Variants in C2CD2 observed in about 807,000 individuals in gnomAD.
The protein encoded by C2CD2 is C2 domain-containing protein 2.
In C2CD2, 43 loss-of-function variants were observed where a neutral mutation model predicts 74.3. The ratio of observed to expected loss-of-function variants is 0.58; its 90% CI spans 0.45 to 0.75. The LOEUF (loss-of-function observed/expected upper bound fraction) is 0.75. Ranked by LOEUF, C2CD2 falls within the 30% of genes least tolerant of loss-of-function variation. The pLI, the probability that C2CD2 is intolerant of heterozygous loss-of-function variation, is 0.00. For missense variants in C2CD2, 801 were observed against 916.3 expected (o/e 0.87, Z 1.63); for synonymous variants, 422 against 390.7 (o/e 1.08, Z -0.94).
chr21:41,901,977 C>T (rs1013551378), intron 11 of C2CD2, among the ~76,000 whole-genome samples: 7 of 152,124 alleles, frequency 4.6e-5, no homozygotes, highest in Non-Finnish European at 8.8e-5. Context: ...ATGAGCATGG[C>T]TGGGTTTCAG....
At chr21:41,931,962 A>C (rs62214755) in intron 2 of C2CD2, among the ~76,000 whole-genome samples, 12 of 5,134 alleles carry the variant, frequency 2.3e-3, no homozygotes, top group Admixed American at 3.7e-3. Flanking sequence ...GCATCCCACC[A>C]CCCCACCTCC....
chr21:41,951,025 C>T (rs1357448205), intron 1 of C2CD2, among the ~76,000 whole-genome samples: 1 of 152,058 alleles, frequency 6.6e-6, no homozygotes, highest in African/African-American at 2.4e-5. Context: ...AGCCCTAATC[C>T]GGGATTAGTG....
At chr21:41,915,786 A>C (rs888153291) in intron 5 of C2CD2, among the ~76,000 whole-genome samples, 5 of 151,582 alleles carry the variant, frequency 3.3e-5, no homozygotes, top group Admixed American at 6.6e-5. Context: ...GTTTGTTTTA[A>C]GTTCTTTTTC....
At chr21:41,949,471 A>G (rs2065432302) in intron 1 of C2CD2, among the ~76,000 whole-genome samples, 1 of 152,200 alleles carries the variant, frequency 6.6e-6, no homozygotes, top group East Asian at 1.9e-4. Context: ...TGGAGAGGCA[A>G]GAGTCAAAGC....
rs1034882558 is a variant in C2CD2, at chr21:41,932,153, G to T, written c.378+9994C>A. 2.1e-4 allele frequency among the ~76,000 whole-genome samples: 32 copies of T among 149,352 alleles called. 1 individual carries two copies. The highest frequency in any genetic ancestry group is 6.7e-5 in the Admixed American group (1 of 14,872). ...AATGATGTAATCCATCATGCCTAGC[G>T]AATGAATCCTCCATAAAAACCCTGA... is the stretch of plus-strand genomic sequence containing the variant. On this transcript the variant is annotated intron_variant, in intron 2 of 13. Transcript: ENST00000380486.
At chr21:41,911,955 G>A (rs542166981) in intron 7 of C2CD2, among the ~76,000 whole-genome samples, 1 of 152,292 alleles carries the variant, frequency 6.6e-6, no homozygotes, top group Admixed American at 6.5e-5. Flanking sequence ...TCCCGTCTCT[G>A]CCACCCAAAC....
At chr21:41,909,930 G>A (rs2065006842) in intron 7 of C2CD2, among the ~76,000 whole-genome samples, 12 of 150,502 alleles carry the variant, frequency 8.0e-5, no homozygotes, top group Admixed American at 8.0e-4. Flanking sequence ...ATGACCTAAA[G>A]ACAAAATACG....
intron 1 of C2CD2, chr21:41,953,119 C>A: frequency 2.6e-6 from 1 of 386,606 alleles, no homozygotes; most frequent in East Asian, 3.7e-5. Flanking sequence ...CAACTGCCAG[C>A]CTGTCCCTCG....
chr21:41,904,054 C>G (rs1250113940), intron 11 of C2CD2, among the ~76,000 whole-genome samples: 1 of 152,076 alleles, frequency 6.6e-6, no homozygotes, highest in Non-Finnish European at 1.5e-5. Context: ...ACAGGGTGAG[C>G]TAGGAGGTCG....
intron 1 of C2CD2, among the ~76,000 whole-genome samples, chr21:41,942,592 C>G (rs1418233503): frequency 6.6e-6 from 1 of 152,192 alleles, no homozygotes; most frequent in Non-Finnish European, 1.5e-5. Flanking sequence ...GGCAGGGCTG[C>G]TTCGTGCAAA....
chr21:41,950,999 G>A (rs1051012624), intron 1 of C2CD2, among the ~76,000 whole-genome samples: 1 of 152,316 alleles, frequency 6.6e-6, no homozygotes, highest in South Asian at 2.1e-4. Flanking sequence ...CCAGGCGAGA[G>A]CGGGCTTGGA....
At chr21:41,921,541 G>C (rs934210988) in intron 3 of C2CD2, among the ~76,000 whole-genome samples, 1 of 152,128 alleles carries the variant, frequency 6.6e-6, no homozygotes, top group African/African-American at 2.4e-5. Flanking sequence ...AAATAATAAG[G>C]GGGTTCTTTT....
At chr21:41,897,505 G>A (rs961816684) in intron 13 of C2CD2, among the ~76,000 whole-genome samples, 8 of 152,190 alleles carry the variant, frequency 5.3e-5, no homozygotes, top group Non-Finnish European at 1.2e-4. Context: ...ACAGGAGCCT[G>A]CCACAGAGGT....
intron 13 of C2CD2, among the ~76,000 whole-genome samples, chr21:41,891,561 C>T (rs1040544229): frequency 6.6e-6 from 1 of 152,136 alleles, no homozygotes; most frequent in African/African-American, 2.4e-5. Context: ...TCTGAGCTGA[C>T]CAGGTGACCT....
intron 11 of C2CD2, among the ~76,000 whole-genome samples, chr21:41,904,205 T>C (rs907022803): frequency 6.6e-6 from 1 of 152,180 alleles, no homozygotes; most frequent in African/African-American, 2.4e-5. Flanking sequence ...GGATAACGCA[T>C]TAGCATGCTA....
In C2CD2 at chr21:41,899,270, C is replaced by CGGATG; in HGVS notation, c.1648_1652dup (p.Glu552IlefsTer30). ...GCGGGGCAGAGGCTGCCGCCCTCTCCGGATGGGATGGGGCGTCCTCCTGGT... is the reference window on the plus strand; with the variant it reads ...GCGGGGCAGAGGCTGCCGCCCTCTCCGGATGGGATGGGATGGGGCGTCCTCCTGGT... On this transcript the variant is annotated frameshift_variant, in exon 13 of 14. Coordinates refer to ENST00000380486, the MANE Select transcript of C2CD2 (RefSeq NM_015500.2). LOFTEE classifies it high-confidence loss of function. This position sits in a 1 kb window ranked among gnomAD's most constrained non-coding sequence, Gnocchi z 4.4. 1 of 1,612,118 alleles carries CGGATG rather than the reference C, an allele frequency of 6.2e-7. No homozygotes were observed. The highest frequency in any genetic ancestry group is 8.5e-7 in the Non-Finnish European group (1 of 1,179,920).
At chr21:41,952,118 G>C (rs1011913116) in intron 1 of C2CD2, among the ~76,000 whole-genome samples, 1 of 152,204 alleles carries the variant, frequency 6.6e-6, no homozygotes, top group African/African-American at 2.4e-5. Flanking sequence ...GTTTCCCTGA[G>C]ACACTCTCCA....
chr21:41,920,936 T>C (rs534451946), intron 3 of C2CD2, among the ~76,000 whole-genome samples: 2 of 152,352 alleles, frequency 1.3e-5, no homozygotes, highest in South Asian at 2.1e-4. Flanking sequence ...CTCATCACAT[T>C]GTCCAAAACA....
chr21:41,914,760 G>A (rs1569068708), intron 5 of C2CD2, 39 bp from the exon 6 acceptor site: 3 of 1,591,034 alleles, frequency 1.9e-6, no homozygotes, highest in African/African-American at 1.3e-5. Flanking sequence ...GGTCTTCATG[G>A]GGAGATTGAG....
Sources: allele counts gnomAD v4.1 joint callset (sites outside exome capture counted in the v4.1 genomes callset), GRCh38; gene constraint gnomAD v4.1.1; non-coding constraint Gnocchi (gnomAD v3.1); transcripts MANE v1.5; gene names NCBI Gene and HGNC (gene_info 2026-07-23, HGNC 2026-07-21).